The following EPSTI1 variants were observed in gnomAD, a reference collection of about 807,000 sequenced individuals.
EPSTI1 encodes the protein epithelial stromal interaction 1.
EPSTI1 carries 66 observed loss-of-function variants against 49.9 expected under a neutral mutation model. The observed-to-expected ratio is 1.32, with a 90% CI of 1.08 to 1.62. The LOEUF is 1.62. Ranked by LOEUF, EPSTI1 falls within the 40% of genes most tolerant of loss-of-function variation. The pLI is 0.00. For synonymous variants in EPSTI1, 137 were observed against 130.7 expected, an observed-to-expected ratio of 1.05 and a Z score of -0.33; for missense variants, 394 against 365.5, an observed-to-expected ratio of 1.08 and a Z score of -0.64.
At chr13:42,929,301 T>C (rs1359126445) in intron 6 of EPSTI1, among the ~76,000 whole-genome samples, 1 of 152,246 alleles carries the variant, frequency 6.6e-6, no homozygotes, top group Non-Finnish European at 1.5e-5. Flanking sequence ...TCTAAGTGAA[T>C]GACCACTACT....
At chr13:42,925,185 A>G (rs954589878) in intron 7 of EPSTI1, among the ~76,000 whole-genome samples, 1 of 152,190 alleles carries the variant, frequency 6.6e-6, no homozygotes, top group Admixed American at 6.5e-5. Context: ...CCAGACTGAT[A>G]CAGAAGCCTT....
chr13:42,980,561 C>T (rs12428023), intron 1 of EPSTI1, among the ~76,000 whole-genome samples: 23,330 of 152,030 alleles, frequency 0.15, 1,799 homozygotes, highest in Admixed American at 0.19. Flanking sequence ...TACTCACTTT[C>T]GAGAACAGCA....
chr13:42,974,658 CAA>C lies in EPSTI1; in HGVS notation c.189-3990_189-3989del, dbSNP rs61128582. 2.6e-3 allele frequency among the ~76,000 whole-genome samples: 321 copies of C among 121,450 alleles called. 1 individual carries two copies. The highest frequency in any genetic ancestry group is 4.0e-3 in the Middle Eastern group (1 of 250). 79.7% of individuals were successfully genotyped at this position (121,450 alleles called of 152,430 possible). ...TGGGCGACAGAGCAAGACTCCGTCTCAAAAAAAAAAAAAAAAGTTTTCCTTGC... is the reference window on the plus strand; with the variant it reads ...TGGGCGACAGAGCAAGACTCCGTCTCAAAAAAAAAAAAAAGTTTTCCTTGC... On this transcript the variant is annotated intron_variant, in intron 1 of 10. Transcript: ENST00000313624.
At chr13:42,894,345 G>T (rs2037125470) in intron 10 of EPSTI1, among the ~76,000 whole-genome samples, 2 of 152,104 alleles carry the variant, frequency 1.3e-5, no homozygotes, top group African/African-American at 4.8e-5. Context: ...TATACACTTG[G>T]GCTTCAATTA....
intron 6 of EPSTI1, among the ~76,000 whole-genome samples, chr13:42,943,476 C>G (rs916472922): frequency 1.3e-5 from 2 of 152,148 alleles, no homozygotes; most frequent in Non-Finnish European, 2.9e-5. Context: ...ATTGTTACCC[C>G]CTACCCCAGG....
At chr13:42,900,045 A>C (rs1178671665) in intron 9 of EPSTI1, among the ~76,000 whole-genome samples, 1 of 152,178 alleles carries the variant, frequency 6.6e-6, no homozygotes, top group East Asian at 1.9e-4. Context: ...TTGAACACAC[A>C]AGAACATGAG....
intron 1 of EPSTI1, among the ~76,000 whole-genome samples, chr13:42,971,631 C>T (rs992541366): frequency 6.6e-6 from 1 of 152,162 alleles, no homozygotes. Flanking sequence ...AAAACCCCAC[C>T]CAGATACTCT....
intron 10 of EPSTI1, among the ~76,000 whole-genome samples, chr13:42,890,159 A>G (rs9315970): frequency 0.53 from 81,254 of 151,892 alleles, 22,308 homozygotes; most frequent in East Asian, 0.79. Flanking sequence ...GGTTACTCTC[A>G]GTTCTTTGCT....
Position 42,934,416 on chromosome 13 carries a change from A to G in EPSTI1, c.564-7987T>C, listed in dbSNP as rs149339626. On this transcript the variant is annotated intron_variant, in intron 6 of 10. Coordinates refer to ENST00000313624, the MANE Select transcript of EPSTI1 (RefSeq NM_033255.5). ...ATCTGGGCTTGGAACGCCAGTTATT[A>G]ATACTTTCTCATCTACCTCTTGATG... 399 of 154,246 alleles carry G rather than the reference A, an allele frequency of 2.6e-3. 2 individuals are homozygous for G. Among genetic ancestry groups the G allele is most frequent in the African/African-American group, 9.1e-3 (379 of 41,600 alleles). 9.6% of individuals were successfully genotyped at this position (154,246 alleles called of 1,614,324 possible).
At chr13:42,961,101 A>C (rs1375981950) in intron 5 of EPSTI1, among the ~76,000 whole-genome samples, 1 of 152,214 alleles carries the variant, frequency 6.6e-6, no homozygotes, top group Non-Finnish European at 1.5e-5. Flanking sequence ...ACAATAGGCC[A>C]GCTATTTCCC....
chr13:42,970,257 G>T, intron 2 of EPSTI1: 1 of 167,660 alleles, frequency 6.0e-6, no homozygotes, highest in Non-Finnish European at 1.3e-5. Context: ...TATATTTACT[G>T]TACATCAATT....
At chr13:42,944,751 T>C (rs1413628788) in intron 6 of EPSTI1, among the ~76,000 whole-genome samples, 1 of 152,216 alleles carries the variant, frequency 6.6e-6, no homozygotes, top group Non-Finnish European at 1.5e-5. Flanking sequence ...TGTTACATAA[T>C]GTCAATATCA....
Position 42,992,240 on chromosome 13 carries a change from A to G in EPSTI1, c.-75T>C, listed in dbSNP as rs2040212376. The G allele has an allele frequency of 4.2e-6, 6 of 1,428,890 alleles. No individual in the cohort carries two copies. Among genetic ancestry groups the G allele is most frequent in the Non-Finnish European group, 5.6e-6 (6 of 1,079,198 alleles). The allele number at this position is 1,428,890 out of a possible 1,614,324, so 88.5% of individuals were successfully genotyped here. The stretch of plus-strand genomic sequence containing the variant: ...GCTGGGACGCTTAGCGAGTCTCAAG[A>G]TGGGATTCCAAAGTGCAGAGGCAGC... On this transcript the variant is annotated 5_prime_UTR_variant, in exon 1 of 11. Transcript: ENST00000313624.
At chr13:42,943,727 G>C (rs1330124319) in intron 6 of EPSTI1, among the ~76,000 whole-genome samples, 1 of 152,014 alleles carries the variant, frequency 6.6e-6, no homozygotes, top group African/African-American at 2.4e-5. Flanking sequence ...ACAAAAACTG[G>C]CCTGGCCAAC....
At chr13:42,953,008 G>C (rs1289313753) in intron 6 of EPSTI1, among the ~76,000 whole-genome samples, 3 of 152,138 alleles carry the variant, frequency 2.0e-5, no homozygotes, top group Non-Finnish European at 1.5e-5. Flanking sequence ...ACAATGGAGT[G>C]AGAGAACAGG....
intron 6 of EPSTI1, among the ~76,000 whole-genome samples, chr13:42,944,786 G>C (rs754063974): frequency 4.6e-5 from 7 of 152,152 alleles, no homozygotes; most frequent in Non-Finnish European, 8.8e-5. Flanking sequence ...GACTATAATA[G>C]CTCATAACAA....
rs56259281 is a variant in EPSTI1, at chr13:42,983,563, C to CAAAAAAA, written c.188+8408_188+8414dup. On this transcript the variant is annotated intron_variant, in intron 1 of 10. Coordinates refer to ENST00000313624, the MANE Select transcript of EPSTI1 (RefSeq NM_033255.5). ...TGGGCAACAGAGCGAGACTCCATCT[C>CAAAAAAA]AAAAAAAAAAAAAAAAAAAAAAAAA... 5.2e-4 allele frequency among the ~76,000 whole-genome samples: 50 copies of CAAAAAAA among 95,502 alleles called. 2 individuals are homozygous for CAAAAAAA. The highest frequency in any genetic ancestry group is 2.3e-3 in the African/African-American group (42 of 18,312). 62.7% of individuals were successfully genotyped at this position (95,502 alleles called of 152,430 possible).
chr13:42,979,545 G>A (rs9562445), intron 1 of EPSTI1, among the ~76,000 whole-genome samples: 95,568 of 148,098 alleles, frequency 0.65, 30,855 homozygotes, highest in Middle Eastern at 0.83. Context: ...ATATCGCGCC[G>A]CTGGACTCCA....
At chr13:42,890,895 T>TA (rs2153407693) in intron 10 of EPSTI1, among the ~76,000 whole-genome samples, 1 of 152,302 alleles carries the variant, frequency 6.6e-6, no homozygotes, top group South Asian at 2.1e-4. Flanking sequence ...TTGATCCCTT[T>TA]ATGAGGCAAA....
Sources: gnomAD v4.1 joint callset for allele counts (sites outside exome capture counted in the v4.1 genomes callset) on GRCh38, gnomAD v4.1.1 for gene constraint, MANE v1.5 for transcripts, NCBI Gene and HGNC (gene_info 2026-07-23, HGNC 2026-07-21) for gene names.